Variants in NDST4 observed in about 807,000 individuals in gnomAD.
The protein encoded by NDST4 is N-deacetylase and N-sulfotransferase 4.
NDST4 carries 63 observed loss-of-function variants against 100.8 expected under a neutral mutation model. That is an observed-to-expected ratio of 0.62 (90% CI 0.51 to 0.77). The LOEUF is 0.77. NDST4 is among the 30% of genes least tolerant of loss of function. The pLI is 0.00. For synonymous variants in NDST4, 377 were observed against 361.8 expected (o/e 1.04, Z -0.48); for missense variants, 943 against 1,018.4 (o/e 0.93, Z 1.01).
intron 1 of NDST4, among the ~76,000 whole-genome samples, chr4:115,093,335 C>T (rs1204772799): frequency 1.3e-5 from 2 of 151,862 alleles, no homozygotes; most frequent in South Asian, 2.1e-4. Flanking sequence ...GTTAGCTGGG[C>T]GTGGTGGCGG....
intron 1 of NDST4, among the ~76,000 whole-genome samples, chr4:115,097,871 G>A (rs777186367): frequency 1.3e-5 from 2 of 152,140 alleles, no homozygotes; most frequent in Admixed American, 6.6e-5. Context: ...CTTTACATAT[G>A]TACTTCTAGG....
At chr4:115,096,871 G>A (rs1367903013) in intron 1 of NDST4, among the ~76,000 whole-genome samples, 2 of 151,974 alleles carry the variant, frequency 1.3e-5, no homozygotes, top group Non-Finnish European at 2.9e-5. Context: ...CAACTTCATT[G>A]AAATTTATTT....
At chr4:115,006,004 C>T (rs188281900) in intron 2 of NDST4, among the ~76,000 whole-genome samples, 35 of 130,728 alleles carry the variant, frequency 2.7e-4, no homozygotes, top group Non-Finnish European at 2.5e-4. Context: ...TGCACTCCAG[C>T]CTGGGTGACA....
chr4:115,111,331 A>C (rs1003569492), intron 1 of NDST4, among the ~76,000 whole-genome samples: 1 of 151,910 alleles, frequency 6.6e-6, no homozygotes, highest in South Asian at 2.1e-4. Context: ...AACAGTTTTT[A>C]ATCTCAAATA....
chr4:114,901,216 T>C (rs988384992), intron 6 of NDST4, among the ~76,000 whole-genome samples: 4 of 152,070 alleles, frequency 2.6e-5, no homozygotes, highest in Admixed American at 2.6e-4. Flanking sequence ...TTCTCCCTGA[T>C]GAATCTGTCC....
At chr4:114,998,103 G>A (rs1192037386) in intron 2 of NDST4, among the ~76,000 whole-genome samples, 3 of 152,040 alleles carry the variant, frequency 2.0e-5, no homozygotes, top group Non-Finnish European at 4.4e-5. Flanking sequence ...GAGGACCTAA[G>A]GATTAATCAC....
chr4:114,977,761 G>T (rs1726670573), intron 2 of NDST4, among the ~76,000 whole-genome samples: 1 of 151,856 alleles, frequency 6.6e-6, no homozygotes, highest in Non-Finnish European at 1.5e-5. Flanking sequence ...GAAAGCTTGG[G>T]TTTTTACCTT....
intron 2 of NDST4, among the ~76,000 whole-genome samples, chr4:115,001,930 C>T (rs888745827): frequency 1.3e-5 from 2 of 152,140 alleles, no homozygotes; most frequent in Admixed American, 6.6e-5. Context: ...GGTATGAACC[C>T]TACTCCGTTA....
intron 4 of NDST4, among the ~76,000 whole-genome samples, chr4:114,958,437 A>C (rs1034741099): frequency 1.3e-5 from 2 of 152,072 alleles, no homozygotes; most frequent in African/African-American, 4.8e-5. Flanking sequence ...AGTCACCTTT[A>C]TTACAGTTTG....
chr4:115,005,677 A>G (rs1007943580), intron 2 of NDST4, among the ~76,000 whole-genome samples: 2 of 152,158 alleles, frequency 1.3e-5, no homozygotes, highest in Admixed American at 1.3e-4. Flanking sequence ...TCTGAATAAG[A>G]CTAGAGGCAT....
At chr4:115,059,230 G>T (rs557443338) in intron 2 of NDST4, among the ~76,000 whole-genome samples, 1 of 152,028 alleles carries the variant, frequency 6.6e-6, no homozygotes, top group Non-Finnish European at 1.5e-5. Flanking sequence ...AAAGAAAACA[G>T]ATTAGAAATG....
At chr4:114,898,921 T>G (rs529001812) in intron 6 of NDST4, among the ~76,000 whole-genome samples, 19 of 152,298 alleles carry the variant, frequency 1.2e-4, no homozygotes, top group East Asian at 9.6e-4. Flanking sequence ...GGTTTTTTTT[T>G]GTCAATTATC....
At chr4:114,958,260 G>C (rs1457933322) in intron 4 of NDST4, among the ~76,000 whole-genome samples, 1 of 152,180 alleles carries the variant, frequency 6.6e-6, no homozygotes, top group East Asian at 1.9e-4. Flanking sequence ...CCTGACCAGA[G>C]ACCCTAAATC....
At chr4:115,104,135 G>A (rs1014414312) in intron 1 of NDST4, among the ~76,000 whole-genome samples, 17 of 152,142 alleles carry the variant, frequency 1.1e-4, no homozygotes, top group African/African-American at 3.6e-4. Flanking sequence ...AGGAGTGAAA[G>A]TGGTCTTGTT....
chr4:114,945,691 G>A (rs1285753813), intron 4 of NDST4, among the ~76,000 whole-genome samples: 1 of 152,186 alleles, frequency 6.6e-6, no homozygotes, highest in African/African-American at 2.4e-5. Context: ...CTTCTAGGGA[G>A]TGACACTGGC....
intron 2 of NDST4, among the ~76,000 whole-genome samples, chr4:115,073,242 G>A (rs1729113323): frequency 1.3e-5 from 2 of 151,868 alleles, no homozygotes; most frequent in Admixed American, 6.6e-5. Flanking sequence ...TAGCCACTAT[G>A]GAAAACAATA....
chr4:115,026,779 G>A (rs1727995816), intron 2 of NDST4, among the ~76,000 whole-genome samples: 1 of 152,032 alleles, frequency 6.6e-6, no homozygotes. Flanking sequence ...CAGCATAGGA[G>A]CTTTCAGATA....
intron 1 of NDST4, among the ~76,000 whole-genome samples, chr4:115,100,409 A>G (rs1729707256): frequency 6.6e-6 from 1 of 152,042 alleles, no homozygotes; most frequent in Non-Finnish European, 1.5e-5. Context: ...ACAGAGAAAT[A>G]TGGAAAGTCT....
chr4:114,871,176 A>G (rs748474734), intron 6 of NDST4, among the ~76,000 whole-genome samples: 3 of 152,144 alleles, frequency 2.0e-5, no homozygotes, highest in Non-Finnish European at 2.9e-5. Flanking sequence ...TGTTCTTCAG[A>G]AGTATAGCAT....
Sources: gnomAD v4.1 joint callset for allele counts (sites outside exome capture counted in the v4.1 genomes callset) on GRCh38, gnomAD v4.1.1 for gene constraint, MANE v1.5 for transcripts, NCBI Gene and HGNC (gene_info 2026-07-23, HGNC 2026-07-21) for gene names.